LPIN1: variants seen among roughly 807,000 people sequenced by gnomAD.
LPIN1 encodes the protein lipin 1, also known as phosphatidate phosphatase LPIN1.
In LPIN1, 71 loss-of-function variants were observed where a neutral mutation model predicts 107.5. The observed-to-expected ratio is 0.66, with a 90% confidence interval of 0.55 to 0.80. LPIN1 has a LOEUF of 0.80. Ranked by LOEUF, LPIN1 falls within the 30% of genes least tolerant of loss-of-function variation. The pLI is 0.00. For synonymous variants in LPIN1, 445 were observed against 452.6 expected (o/e 0.98, Z 0.21); for missense variants, 1,043 against 1,160.6 (o/e 0.90, Z 1.47).
intron 1 of LPIN1, among the ~76,000 whole-genome samples, chr2:11,695,727 G>T (rs937294662): frequency 2.6e-5 from 4 of 152,122 alleles, no homozygotes; most frequent in Non-Finnish European, 5.9e-5. Flanking sequence ...GCCTGTTTAA[G>T]GATTTGGCTA....
At chr2:11,790,008 C>T (rs573548004) in intron 12 of LPIN1, among the ~76,000 whole-genome samples, 1 of 152,096 alleles carries the variant, frequency 6.6e-6, no homozygotes, top group East Asian at 1.9e-4. Context: ...ATAAAATGGC[C>T]CTGCTTCCCC....
intron 1 of LPIN1, among the ~76,000 whole-genome samples, chr2:11,688,761 C>G (rs1368980314): frequency 6.6e-6 from 1 of 152,286 alleles, no homozygotes; most frequent in East Asian, 1.9e-4. Flanking sequence ...TTCTCTTTAT[C>G]TAAGGATAAG....
intron 18 of LPIN1, 125 bp downstream of exon 18, chr2:11,815,365 AG>A (rs1381017982): frequency 8.3e-7 from 1 of 1,202,674 alleles, no homozygotes; most frequent in Non-Finnish European, 1.2e-6. Context: ...GCTCCATAGC[AG>A]GCACCAGAAA....
intron 1 of LPIN1, among the ~76,000 whole-genome samples, chr2:11,703,134 A>G (rs1662964108): frequency 1.3e-5 from 2 of 152,212 alleles, no homozygotes; most frequent in Admixed American, 1.3e-4. Flanking sequence ...GTGATGTAAT[A>G]AAGGCATTGA....
At chr2:11,692,005 C>G (rs1353054066) in intron 1 of LPIN1, among the ~76,000 whole-genome samples, 4 of 152,180 alleles carry the variant, frequency 2.6e-5, no homozygotes, top group Admixed American at 6.5e-5. Flanking sequence ...AAATGGAAAG[C>G]CTTTTCCTTA....
Position 11,820,488 on chromosome 2 carries a change from G to A in LPIN1, c.2595G>A (p.Gln865=), listed in dbSNP as rs139089077. The change falls in exon 20 of 21, where the codon CAG becomes CAA. Residue 865 remains glutamine (Q), a synonymous_variant. Transcript: ENST00000674199. ...TCAACCCTAAAGGAGAGCTGGTACA[G>A]GAACATGCAAAGACCAACATCTCTT... ...FTVNPKGELV[Q]EHAKTNISSY... is the part of the protein sequence containing the mutation. 3.6e-4 allele frequency: 584 copies of A among 1,613,072 alleles called. 1 individual carries two copies. The African/African-American group carries it at 7.2e-3, about 20-fold the overall frequency.
chr2:11,780,858 G>T (rs182062421), intron 7 of LPIN1, among the ~76,000 whole-genome samples: 1 of 152,284 alleles, frequency 6.6e-6, no homozygotes, highest in East Asian at 1.9e-4. Flanking sequence ...CTTGGCTGTG[G>T]TACATGCACG....
intron 14 of LPIN1, among the ~76,000 whole-genome samples, chr2:11,800,191 C>T (rs538054870): frequency 3.7e-4 from 56 of 152,296 alleles, no homozygotes; most frequent in Admixed American, 2.9e-3. Context: ...GCTTGAGTGT[C>T]GGTTGAATGA....
chr2:11,783,253 G>A (rs1019826550), intron 8 of LPIN1, among the ~76,000 whole-genome samples: 1 of 152,202 alleles, frequency 6.6e-6, no homozygotes, highest in Non-Finnish European at 1.5e-5. Context: ...GCTTTGCCTC[G>A]GGGTATTGAT....
chr2:11,725,068 C>T (rs7580971), intron 1 of LPIN1, among the ~76,000 whole-genome samples: 47,514 of 151,984 alleles, frequency 0.31, 12,621 homozygotes, highest in African/African-American at 0.73. Context: ...GAGACCATCC[C>T]GGCTAAAACA....
chr2:11,789,744 T>G (rs1443289287), intron 12 of LPIN1, among the ~76,000 whole-genome samples: 2 of 147,892 alleles, frequency 1.4e-5, no homozygotes, highest in African/African-American at 2.5e-5. Flanking sequence ...GTCACCGTTC[T>G]CAACACTTAC....
At chr2:11,762,131 C>A (rs909830550) in intron 1 of LPIN1, among the ~76,000 whole-genome samples, 1 of 151,970 alleles carries the variant, frequency 6.6e-6, no homozygotes, top group African/African-American at 2.4e-5. Context: ...CTTTGTGGAT[C>A]GGCTCACGGA....
intron 1 of LPIN1, among the ~76,000 whole-genome samples, chr2:11,735,735 A>G (rs1665732485): frequency 6.6e-6 from 1 of 152,220 alleles, no homozygotes; most frequent in Admixed American, 6.5e-5. Flanking sequence ...GCCAAAGTGA[A>G]TGGCTATATA....
At chr2:11,751,227 C>A (rs1013056599) in intron 1 of LPIN1, among the ~76,000 whole-genome samples, 1 of 152,150 alleles carries the variant, frequency 6.6e-6, no homozygotes, top group African/African-American at 2.4e-5. Flanking sequence ...ACTCATCTGA[C>A]CTTCCCTCCA....
intron 1 of LPIN1, among the ~76,000 whole-genome samples, chr2:11,713,539 G>A (rs181667724): frequency 1.3e-5 from 2 of 152,284 alleles, no homozygotes; most frequent in East Asian, 3.9e-4. Context: ...CCAAAGTGCT[G>A]GGATTACAGG....
At chr2:11,805,608 G>A (rs1443728355) in intron 17 of LPIN1, 1 of 284,664 alleles carries the variant, frequency 3.5e-6, no homozygotes, top group Admixed American at 4.7e-5. Context: ...ATGTCTACCT[G>A]GTCTGTGGAG....
At position 11,697,503 on chromosome 2, in the gene LPIN1, C is replaced by T. The variant is rs902541639; in HGVS notation, c.82-16253C>T. 3.3e-5 allele frequency among the ~76,000 whole-genome samples: 5 copies of T among 152,238 alleles called. No homozygotes were observed. Among genetic ancestry groups the T allele is most frequent in the Non-Finnish European group, 5.9e-5 (4 of 68,050 alleles). The stretch of plus-strand genomic sequence containing the variant: ...AGCTGGAAGTCTGCCCGAATCTGTG[C>T]GTCGTGTCTTGGGAATTCATCCCTT... On this transcript the variant is annotated intron_variant, in intron 1 of 21. Coordinates refer to the LPIN1 transcript ENST00000449576. This position sits in a 1 kb window ranked among gnomAD's most constrained non-coding sequence, Gnocchi z 4.6.
chr2:11,719,023 T>C (rs1274479648), intron 2 of LPIN1, among the ~76,000 whole-genome samples: 1 of 152,254 alleles, frequency 6.6e-6, no homozygotes, highest in African/African-American at 2.4e-5. Context: ...ATTGTTATTA[T>C]TTTCATAATC....
At position 11,765,214 on chromosome 2, in the gene LPIN1, G is replaced by A. The variant is rs1260200823; in HGVS notation, c.-9-319G>A. On this transcript the variant is annotated intron_variant, in intron 1 of 20. Transcript: ENST00000674199. This position sits in a 1 kb window ranked among gnomAD's most constrained non-coding sequence, Gnocchi z 4.4. ...GCTGTGATGGTCCGTGATGGGCCAT[G>A]ATGGACACTGATGGGCCATGATGGG... Among the ~76,000 whole-genome samples, 1 of 152,080 alleles carries A rather than the reference G, an allele frequency of 6.6e-6. No individual in the cohort carries two copies. Among genetic ancestry groups the A allele is most frequent in the Non-Finnish European group, 1.5e-5 (1 of 67,986 alleles).
Sources: allele counts gnomAD v4.1 joint callset (sites outside exome capture counted in the v4.1 genomes callset), GRCh38; gene constraint gnomAD v4.1.1; non-coding constraint Gnocchi (gnomAD v3.1); transcripts MANE v1.5; gene names NCBI Gene and HGNC (gene_info 2026-07-23, HGNC 2026-07-21).